The following CNTNAP5 variants were observed in gnomAD, a reference collection of about 807,000 sequenced individuals.
CNTNAP5 encodes the protein contactin-associated protein-like 5.
CNTNAP5 carries 72 observed loss-of-function variants against 150.2 expected under a neutral mutation model. The observed-to-expected ratio is 0.48, with a 90% CI of 0.40 to 0.58. The LOEUF is 0.58. Ranked by LOEUF, CNTNAP5 falls within the 20% of genes least tolerant of loss-of-function variation. The pLI, the probability that CNTNAP5 is intolerant of heterozygous loss-of-function variation, is 0.00. For synonymous variants in CNTNAP5, 672 were observed against 619.8 expected, an observed-to-expected ratio of 1.08 and a Z score of -1.25; for missense variants, 1,636 against 1,626.2, an observed-to-expected ratio of 1.01 and a Z score of -0.10.
chr2:124,473,292 T>A (rs1451542646), intron 6 of CNTNAP5, among the ~76,000 whole-genome samples: 6 of 151,658 alleles, frequency 4.0e-5, no homozygotes, highest in Admixed American at 2.0e-4. Context: ...AAAATATCCA[T>A]TCTTCTCTAA....
At chr2:124,514,606 A>G (rs925491486) in intron 8 of CNTNAP5, among the ~76,000 whole-genome samples, 1 of 152,204 alleles carries the variant, frequency 6.6e-6, no homozygotes, top group Non-Finnish European at 1.5e-5. Flanking sequence ...GAGACAGTAA[A>G]GAGGCATTAA....
chr2:124,397,866 G>A (rs564822071), intron 3 of CNTNAP5, among the ~76,000 whole-genome samples: 6 of 149,752 alleles, frequency 4.0e-5, no homozygotes, highest in East Asian at 4.2e-4. Context: ...GGGATAGCAC[G>A]TGAAATGAAG....
At chr2:124,693,476 T>C (rs1393004613) in intron 13 of CNTNAP5, among the ~76,000 whole-genome samples, 1 of 152,092 alleles carries the variant, frequency 6.6e-6, no homozygotes, top group African/African-American at 2.4e-5. Flanking sequence ...GATTCAGAGG[T>C]GTTAACAGTC....
At chr2:124,175,058 C>G (rs773015141) in intron 1 of CNTNAP5, among the ~76,000 whole-genome samples, 2 of 152,082 alleles carry the variant, frequency 1.3e-5, no homozygotes, top group Non-Finnish European at 2.9e-5. Flanking sequence ...GTTATGCACA[C>G]TTAATAAACT....
At chr2:124,165,932 AC>A (rs1302527378) in intron 1 of CNTNAP5, among the ~76,000 whole-genome samples, 2 of 151,794 alleles carry the variant, frequency 1.3e-5, no homozygotes, top group Non-Finnish European at 2.9e-5. Flanking sequence ...TTTAGACACA[AC>A]CCCCAAAACT....
At chr2:124,665,702 C>T (rs923941406) in intron 13 of CNTNAP5, among the ~76,000 whole-genome samples, 2 of 151,880 alleles carry the variant, frequency 1.3e-5, no homozygotes, top group African/African-American at 2.4e-5. Context: ...CTGGCTAACA[C>T]GGTGAAACCC....
In CNTNAP5 at chr2:124,392,829, T is replaced by C. The variant is rs77335979; in HGVS notation, c.382-24614T>C. On this transcript the variant is annotated intron_variant, in intron 3 of 23. Transcript: ENST00000682447. ...AGCTTTGGTCAGTTTGCTTTGGCTA[T>C]ATGGTTCTCAGGTTAATTAAGGAAT... Among the ~76,000 whole-genome samples the C allele has an allele frequency of 2.3e-3, 354 of 151,832 alleles. 1 individual carries two copies. Among genetic ancestry groups the C allele is most frequent in the African/African-American group, 8.3e-3 (342 of 41,412 alleles).
At chr2:124,662,882 G>GT (rs1318537315) in intron 13 of CNTNAP5, among the ~76,000 whole-genome samples, 1 of 152,224 alleles carries the variant, frequency 6.6e-6, no homozygotes, top group African/African-American at 2.4e-5. Flanking sequence ...CACTTTACAT[G>GT]TTTTTTCTGG....
intron 11 of CNTNAP5, among the ~76,000 whole-genome samples, chr2:124,581,120 A>G (rs1696400872): frequency 1.3e-5 from 2 of 152,148 alleles, no homozygotes; most frequent in South Asian, 4.2e-4. Flanking sequence ...GATCACAATG[A>G]AGTATCTGCT....
intron 1 of CNTNAP5, among the ~76,000 whole-genome samples, chr2:124,034,913 C>T (rs930498380): frequency 1.6e-4 from 24 of 151,938 alleles, no homozygotes; most frequent in Non-Finnish European, 3.4e-4. Context: ...TTAAGTATTC[C>T]TATTTTCCTG....
At chr2:124,481,796 T>C (rs917014910) in intron 7 of CNTNAP5, among the ~76,000 whole-genome samples, 2 of 152,244 alleles carry the variant, frequency 1.3e-5, no homozygotes, top group African/African-American at 4.8e-5. Context: ...TTGAGTTGTT[T>C]GAATTTTTTT....
intron 11 of CNTNAP5, among the ~76,000 whole-genome samples, chr2:124,592,888 G>A (rs974652411): frequency 1.3e-5 from 2 of 151,680 alleles, no homozygotes; most frequent in South Asian, 2.1e-4. Context: ...ATTTTTCCCA[G>A]TTTGTCCATT....
chr2:124,419,909 T>TTTCTTTCTTTCTTTCC (rs1692042945), intron 4 of CNTNAP5, among the ~76,000 whole-genome samples: 3 of 114,004 alleles, frequency 2.6e-5, no homozygotes, highest in African/African-American at 1.1e-4. Context: ...TCTTTCTTTC[T>TTTCTTTCTTTCTTTCC]TTCTTTCTTT....
intron 8 of CNTNAP5, among the ~76,000 whole-genome samples, 195 bp from the exon 9 acceptor site, chr2:124,524,108 A>G (rs1403470685): frequency 6.6e-6 from 1 of 152,202 alleles, no homozygotes; most frequent in Non-Finnish European, 1.5e-5. Flanking sequence ...TTTTTAAAAA[A>G]GAGATTAGAA....
intron 21 of CNTNAP5, among the ~76,000 whole-genome samples, chr2:124,878,217 G>A (rs527260882): frequency 2.0e-5 from 3 of 152,176 alleles, no homozygotes; most frequent in African/African-American, 7.2e-5. Flanking sequence ...ATGGAGAGAG[G>A]ATGACACATT....
At chr2:124,334,423 C>A (rs1689421928) in intron 3 of CNTNAP5, among the ~76,000 whole-genome samples, 1 of 151,878 alleles carries the variant, frequency 6.6e-6, no homozygotes, top group African/African-American at 2.4e-5. Context: ...CTATCCCTGG[C>A]AAAAATCATG....
intron 19 of CNTNAP5, among the ~76,000 whole-genome samples, chr2:124,854,318 A>G (rs1217856304): frequency 6.6e-6 from 1 of 152,198 alleles, no homozygotes; most frequent in East Asian, 1.9e-4. Flanking sequence ...TACTTTATAT[A>G]CATCTGCACT....
chr2:124,634,758 C>T (rs1398136701), intron 12 of CNTNAP5, among the ~76,000 whole-genome samples: 2 of 152,128 alleles, frequency 1.3e-5, no homozygotes, highest in Non-Finnish European at 2.9e-5. Context: ...TCCACCTATG[C>T]TTCCCAAAGT....
chr2:124,357,157 G>GT (rs1558865422), intron 3 of CNTNAP5, among the ~76,000 whole-genome samples: 21 of 151,918 alleles, frequency 1.4e-4, no homozygotes. Context: ...GGGGTTGTTT[G>GT]TTTTTTTCTT....
Sources: gnomAD v4.1 joint callset for allele counts (sites outside exome capture counted in the v4.1 genomes callset) on GRCh38, gnomAD v4.1.1 for gene constraint, MANE v1.5 for transcripts, NCBI Gene and HGNC (gene_info 2026-07-23, HGNC 2026-07-21) for gene names.